Variants in TUBB8 observed in about 807,000 individuals in gnomAD.
The protein encoded by TUBB8 is tubulin beta 8 class VIII.
A neutral mutation model predicts 33.7 loss-of-function variants in TUBB8; 25 were observed. That is an observed-to-expected ratio of 0.74 (90% CI 0.54 to 1.04). TUBB8 has a LOEUF of 1.04. Ranked by LOEUF, TUBB8 falls within the 50% of genes least tolerant of loss-of-function variation. The pLI, the probability that TUBB8 is intolerant of heterozygous loss-of-function variation, is 0.00. For synonymous variants in TUBB8, 245 were observed against 240.1 expected, an observed-to-expected ratio of 1.02 and a Z score of -0.19; for missense variants, 279 against 608.0, an observed-to-expected ratio of 0.46 and a Z score of 5.69.
At chr10:49,879 A>G, upstream of TUBB8, 1 of 217,208 alleles carries the variant, frequency 4.6e-6, no homozygotes, top group South Asian at 6.7e-5. Flanking sequence ...TTGGATTCTT[A>G]AAGCTGAGGA....
chr10:55,700 C>A (rs1834521896), intron 1 of TUBB8, among the ~76,000 whole-genome samples: 2 of 152,240 alleles, frequency 1.3e-5, no homozygotes, highest in South Asian at 4.1e-4. Flanking sequence ...CACTCTTCTG[C>A]CTATGGCTTG....
At chr10:71,400 C>A (rs532708753) in intron 1 of TUBB8, among the ~76,000 whole-genome samples, 1 of 150,652 alleles carries the variant, frequency 6.6e-6, no homozygotes, top group East Asian at 2.0e-4. Flanking sequence ...TTGGGGAGGC[C>A]GAGGTGAGGG....
At chr10:62,931 A>G (rs1834622186) in intron 1 of TUBB8, among the ~76,000 whole-genome samples, 1 of 151,806 alleles carries the variant, frequency 6.6e-6, no homozygotes, top group South Asian at 2.1e-4. Flanking sequence ...TTTATCCTTA[A>G]CCTTTGGGAG....
chr10:65,489 C>A (rs1378472242), intron 1 of TUBB8, among the ~76,000 whole-genome samples: 1 of 152,216 alleles, frequency 6.6e-6, no homozygotes, highest in African/African-American at 2.4e-5. Flanking sequence ...CTTTGGGAGG[C>A]CAAGGCAGAC....
intron 1 of TUBB8, among the ~76,000 whole-genome samples, chr10:59,822 G>GT (rs1339004721): frequency 2.6e-5 from 4 of 152,190 alleles, no homozygotes; most frequent in African/African-American, 9.6e-5. Context: ...TTATTGGTCT[G>GT]TTCAGGTTTT....
chr10:49,818 G>A (rs1490979300), upstream of TUBB8: 1 of 336,422 alleles, frequency 3.0e-6, no homozygotes, highest in Non-Finnish European at 5.8e-6. Flanking sequence ...AGTAGGGTTA[G>A]CCCTTTCACC....
chr10:63,866 G>A lies in TUBB8; in HGVS notation c.-846+10103C>T, dbSNP rs1315511350. ...TACTTATAGATGTTCATCTATATCT[G>A]GGCATTGAAGAGGTCAGTCTTTATT... On this transcript the variant is annotated intron_variant, in intron 1 of 3. Coordinates refer to the TUBB8 transcript ENST00000564130. Among the ~76,000 whole-genome samples, 5 of 152,056 alleles carry A rather than the reference G, an allele frequency of 3.3e-5. 1 individual carries two copies. The highest frequency in any genetic ancestry group is 1.2e-4 in the African/African-American group (5 of 41,400).
upstream of TUBB8, chr10:49,610 C>A: frequency 2.0e-6 from 1 of 509,666 alleles, no homozygotes. Context: ...TGCCTTTGCA[C>A]CTGTCCTAGA....
chr10:47,223 C>T lies in TUBB8; in HGVS notation c.1169G>A (p.Arg390Lys). ...GTACCAGTGGAGGAAGGCCTTGCGCCTGAACATTGCTGTAAACTGCTCTGA... is the reference window on the plus strand; with the variant it reads ...GTACCAGTGGAGGAAGGCCTTGCGCTTGAACATTGCTGTAAACTGCTCTGA... ...RVSEQFTAMFRRKAFLHWYTG... is the reference protein window; with the variant it reads ...RVSEQFTAMFKRKAFLHWYTG... Residue 390 changes from arginine (R) to lysine (K), a missense_variant, in exon 4 of 4, where the codon AGG becomes AAG. This residue lies in a region of TUBB8 where 123 missense variants were observed against 228.9 expected (regional missense o/e 0.54). Coordinates refer to ENST00000568584, the MANE Select transcript of TUBB8 (RefSeq NM_177987.3). 6.2e-7 allele frequency: 1 copy of T among 1,613,386 alleles called. No individual in the cohort carries two copies. Among genetic ancestry groups the T allele is most frequent in the Non-Finnish European group, 8.5e-7 (1 of 1,179,902 alleles).
intron 1 of TUBB8, among the ~76,000 whole-genome samples, chr10:63,841 T>C (rs1259672232): frequency 1.3e-5 from 2 of 152,180 alleles, no homozygotes; most frequent in Admixed American, 6.5e-5. Context: ...ATGGCCTTGA[T>C]ACTTATAGAT....
At chr10:64,493 A>AACCCTC (rs1164300749) in intron 1 of TUBB8, among the ~76,000 whole-genome samples, 3 of 87,782 alleles carry the variant, frequency 3.4e-5, no homozygotes, top group African/African-American at 6.7e-5. Flanking sequence ...CCCTAACCCT[A>AACCCTC]ACCCTCACCC....
At chr10:75,135 A>C (rs1195938514), upstream of TUBB8, among the ~76,000 whole-genome samples, 11 of 150,944 alleles carry the variant, frequency 7.3e-5, no homozygotes, top group South Asian at 4.2e-4. Context: ...AAGGCCTCCC[A>C]AAGTCATTCA....
At chr10:73,986 G>T in exon 1 of TUBB8, 1 of 156,252 alleles carries the variant, frequency 6.4e-6, no homozygotes. Context: ...TCGGTGTCCC[G>T]GAGCTGCAGC....
chr10:47,841 T>C lies in TUBB8; in HGVS notation c.551A>G (p.Asn184Ser). The C allele has an allele frequency of 5.6e-6, 9 of 1,614,198 alleles. No individual in the cohort carries two copies. Among genetic ancestry groups the C allele is most frequent in the Non-Finnish European group, 5.9e-6 (7 of 1,180,038 alleles). ...KVSDTVVEPYNATLSVHQLIE... is the reference protein window; with the variant it reads ...KVSDTVVEPYSATLSVHQLIE... ...GAGCTGGTGGACTGAGAGGGTGGCGTTGTAGGGCTCCACCACGGTGTCCGA... is the reference window on the plus strand; with the variant it reads ...GAGCTGGTGGACTGAGAGGGTGGCGCTGTAGGGCTCCACCACGGTGTCCGA... Residue 184 changes from asparagine (N) to serine (S), a missense_variant, in exon 4 of 4, where the codon AAC becomes AGC. Transcript: ENST00000568584.
At chr10:70,676 C>T in intron 1 of TUBB8, among the ~76,000 whole-genome samples, 1 of 151,780 alleles carries the variant, frequency 6.6e-6, no homozygotes, top group Non-Finnish European at 1.5e-5. Flanking sequence ...CCAGTCTCTA[C>T]TAAAAATACA....
chr10:61,488 A>G (rs1392894467), intron 1 of TUBB8, among the ~76,000 whole-genome samples: 1 of 134,594 alleles, frequency 7.4e-6, no homozygotes, highest in East Asian at 2.0e-4. Flanking sequence ...ATTACTTCAA[A>G]TTTTTTTAAT....
upstream of TUBB8, among the ~76,000 whole-genome samples, chr10:52,483 T>G (rs1326989865): frequency 6.6e-6 from 1 of 152,246 alleles, no homozygotes; most frequent in Non-Finnish European, 1.5e-5. Context: ...ATTACAGAGT[T>G]GGACATCCTC....
intron 1 of TUBB8, among the ~76,000 whole-genome samples, chr10:58,882 T>G (rs1300583275): frequency 6.6e-6 from 1 of 152,228 alleles, no homozygotes; most frequent in Non-Finnish European, 1.5e-5. Context: ...AACAATAATT[T>G]GACTTCTTTT....
At chr10:66,507 G>C (rs1554741636) in intron 1 of TUBB8, among the ~76,000 whole-genome samples, 2 of 152,290 alleles carry the variant, frequency 1.3e-5, no homozygotes, top group Admixed American at 6.5e-5. Flanking sequence ...AAATTAGCTA[G>C]GTGTGACGAT....
Sources: gnomAD v4.1 joint callset for allele counts (sites outside exome capture counted in the v4.1 genomes callset) on GRCh38, gnomAD v4.1.1 for gene constraint, gnomAD v4.1.1 regional missense constraint, MANE v1.5 for transcripts, NCBI Gene and HGNC (gene_info 2026-07-23, HGNC 2026-07-21) for gene names.